FAXDC2: variants seen among roughly 807,000 people sequenced by gnomAD.
The protein encoded by FAXDC2 is fatty acid hydroxylase domain-containing protein 2.
FAXDC2 carries 41 observed loss-of-function variants against 40.9 expected under a neutral mutation model. That is an observed-to-expected ratio of 1.00 (90% CI 0.78 to 1.30). The LOEUF (loss-of-function observed/expected upper bound fraction) is 1.30, where lower values mean the gene tolerates loss of function less well. Among genes scored for constraint, FAXDC2 ranks in the 50% most tolerant of loss-of-function variants. The pLI is 0.00. For synonymous variants in FAXDC2, 157 were observed against 149.3 expected (o/e 1.05, Z -0.38); for missense variants, 390 against 408.8 (o/e 0.95, Z 0.40).
chr5:154,849,568 C>T (rs116794404), intron 1 of FAXDC2, among the ~76,000 whole-genome samples: 258 of 152,196 alleles, frequency 1.7e-3, no homozygotes, highest in African/African-American at 5.7e-3. Context: ...TTGCTTTTTG[C>T]CCTCAAAAAG....
intron 1 of FAXDC2, among the ~76,000 whole-genome samples, chr5:154,844,217 CAAAA>C (rs111475143): frequency 7.5e-6 from 1 of 132,596 alleles, no homozygotes; most frequent in South Asian, 2.4e-4. Context: ...GACTCTGTCT[CAAAA>C]AAAAAAAAGA....
intron 1 of FAXDC2, among the ~76,000 whole-genome samples, chr5:154,839,697 T>A (rs999386781): frequency 6.6e-6 from 1 of 151,808 alleles, no homozygotes; most frequent in African/African-American, 2.4e-5. Context: ...GCAATAAATA[T>A]TTTATGTTTT....
At chr5:154,828,584 G>C (rs1760102153) in intron 5 of FAXDC2, among the ~76,000 whole-genome samples, 1 of 150,560 alleles carries the variant, frequency 6.6e-6, no homozygotes. Flanking sequence ...TCTTCTGCTT[G>C]CTTTAGTTTT....
chr5:154,823,850 G>C (rs946605939), intron 5 of FAXDC2: 8 of 475,938 alleles, frequency 1.7e-5, no homozygotes, highest in African/African-American at 9.8e-5. Flanking sequence ...CCTTCTTCCT[G>C]GTTCTGCACA....
In FAXDC2 at chr5:154,820,164, C is replaced by T. The variant is rs1759844680; in HGVS notation, c.*152G>A. 2 of 628,416 alleles carry T rather than the reference C, an allele frequency of 3.2e-6. No individual in the cohort carries two copies. The highest frequency in any genetic ancestry group is 3.7e-5 in the African/African-American group (2 of 53,998). 38.9% of individuals were successfully genotyped at this position (628,416 alleles called of 1,614,324 possible). On this transcript the variant is annotated 3_prime_UTR_variant, in exon 9 of 9. Transcript: ENST00000326080. ...AGTTTGAAGAAAGCCTCATCCTTGG[C>T]CCTGCTTTTCCGGGAAGCCGACCTT...
At position 154,822,535 on chromosome 5, in the gene FAXDC2, T is replaced by C. The variant is rs1158228132; in HGVS notation, c.615A>G (p.Lys205=). The change falls in exon 7 of 9, where the codon AAA becomes AAG. Residue 205 remains lysine (K), a synonymous_variant. Coordinates refer to ENST00000326080, the MANE Select transcript of FAXDC2 (RefSeq NM_032385.5). The stretch of plus-strand genomic sequence containing the variant: ...CAATGGGAGCTGTCCACTCATGGTG[T>C]TTCTTGTGGATTTTCTTGTAGAATG... The part of the protein sequence containing the change: ...HPTFYKKIHK[K]HHEWTAPIGV... The C allele has an allele frequency of 6.2e-7, 1 of 1,614,182 alleles. No homozygotes were observed. Among genetic ancestry groups the C allele is most frequent in the Non-Finnish European group, 8.5e-7 (1 of 1,180,016 alleles).
At position 154,834,671 on chromosome 5, in the gene FAXDC2, C is replaced by T; in HGVS notation, c.198G>A (p.Arg66=). 1 of 1,613,636 alleles carries T rather than the reference C, an allele frequency of 6.2e-7. No individual in the cohort carries two copies. The highest frequency in any genetic ancestry group is 8.5e-7 in the Non-Finnish European group (1 of 1,179,910). ...SGYFWQAQWE[R]LLTTFEGKEW... ...CCTTCCCTTCAAATGTAGTCAGCAG[C>T]CTCTCCCACTGGGCTTGCCAAAAGT... Residue 66 remains arginine (R), a synonymous_variant, in exon 4 of 9, where the codon AGG becomes AGA. Transcript: ENST00000326080.
Position 154,835,842 on chromosome 5 carries a change from A to G in FAXDC2, c.49-908T>C, listed in dbSNP as rs796670207. Among the ~76,000 whole-genome samples the G allele has an allele frequency of 6.3e-5, 9 of 142,028 alleles. 1 individual carries two copies. The highest frequency in any genetic ancestry group is 2.4e-4 in the African/African-American group (9 of 37,760). 93.2% of individuals were successfully genotyped at this position (142,028 alleles called of 152,430 possible). A position where few individuals can be genotyped will look rare whatever the true frequency, so the allele number is the denominator to read the frequency against. ...GTGATCTGCCCGCCTCAGCCTCCCT[A>G]AGTGCTGGGATTACAGGAGTGAGCC... On this transcript the variant is annotated intron_variant, in intron 2 of 8. Transcript: ENST00000326080.
Position 154,821,412 on chromosome 5 carries a change from T to G in FAXDC2, c.693A>C (p.Leu231=). 6.2e-7 allele frequency: 1 copy of G among 1,611,700 alleles called. No homozygotes were observed. Among genetic ancestry groups the G allele is most frequent in the South Asian group, 1.1e-5 (1 of 90,904 alleles). ...HPIEHAVSNM[L]PVIVGPLVMG... ...TTACTAATGGGCCCACTATCACCGG[T>G]AGCATGTTGGAGACCTGCAAGAGGA... is the stretch of plus-strand genomic sequence containing the variant. The change falls in exon 8 of 9, where the codon CTA becomes CTC. Residue 231 remains leucine, a synonymous_variant. Coordinates refer to ENST00000326080, the MANE Select transcript of FAXDC2 (RefSeq NM_032385.5).
At chr5:154,827,089 G>A (rs1235070746) in intron 5 of FAXDC2, among the ~76,000 whole-genome samples, 1 of 152,134 alleles carries the variant, frequency 6.6e-6, no homozygotes, top group Non-Finnish European at 1.5e-5. Context: ...TGGATCACCT[G>A]AGGCCAGGAG....
At position 154,818,699 on chromosome 5, in the gene FAXDC2, C is replaced by T. The variant is rs1759794919; in HGVS notation, c.*1617G>A. 2 of 152,354 alleles carry T rather than the reference C, an allele frequency of 1.3e-5. No individual in the cohort carries two copies. Among genetic ancestry groups the T allele is most frequent in the South Asian group, 4.1e-4 (2 of 4,828 alleles). 9.4% of individuals were successfully genotyped at this position (152,354 alleles called of 1,614,324 possible). On this transcript the variant is annotated 3_prime_UTR_variant, in exon 9 of 9. Coordinates refer to ENST00000326080, the MANE Select transcript of FAXDC2 (RefSeq NM_032385.5). The stretch of plus-strand genomic sequence containing the variant: ...GCCTTTTGTCCTTCTAGGCCCCTTA[C>T]AGTACCTCAAAATCTAAAGGCCTTA...
At chr5:154,841,818 C>T (rs1340840982) in intron 1 of FAXDC2, among the ~76,000 whole-genome samples, 4 of 152,008 alleles carry the variant, frequency 2.6e-5, no homozygotes, top group African/African-American at 7.3e-5. Context: ...TCACTGCAAC[C>T]TCCGCCTCCC....
chr5:154,833,184 G>C (rs954451930), intron 4 of FAXDC2, among the ~76,000 whole-genome samples: 6 of 151,430 alleles, frequency 4.0e-5, no homozygotes, highest in African/African-American at 1.5e-4. Context: ...TTACAGGCAC[G>C]CACCACCACG....
chr5:154,844,024 GC>G (rs1344590115), intron 1 of FAXDC2, among the ~76,000 whole-genome samples: 3 of 152,128 alleles, frequency 2.0e-5, no homozygotes, highest in Non-Finnish European at 4.4e-5. Flanking sequence ...TTCAAGACCA[GC>G]CTGGCCAACA....
At chr5:154,837,279 G>GT (rs545273703) in intron 2 of FAXDC2, among the ~76,000 whole-genome samples, 1 of 150,448 alleles carries the variant, frequency 6.6e-6, no homozygotes. Context: ...TCTTTTTTTT[G>GT]TTTTTTTGTT....
intron 2 of FAXDC2, among the ~76,000 whole-genome samples, chr5:154,837,788 C>T (rs1760387609): frequency 6.6e-6 from 1 of 152,166 alleles, no homozygotes; most frequent in Non-Finnish European, 1.5e-5. Flanking sequence ...CAGAAAGCCT[C>T]TGTTGTCCCC....
intron 5 of FAXDC2, among the ~76,000 whole-genome samples, chr5:154,827,507 G>A (rs1263443971): frequency 6.7e-6 from 1 of 149,344 alleles, no homozygotes; most frequent in Admixed American, 6.7e-5. Context: ...CACCCAGGCT[G>A]GAGTGCACTC....
chr5:154,825,208 C>A (rs578115622), intron 5 of FAXDC2, among the ~76,000 whole-genome samples: 39 of 150,412 alleles, frequency 2.6e-4, no homozygotes, highest in Non-Finnish European at 4.1e-4. Flanking sequence ...ACGAAAAATA[C>A]AAAAACTTAG....
rs1554093805 is a variant in FAXDC2 at position 154,831,455 on chromosome 5, G to GTT, written c.245-535_245-534dup. 6.0e-3 allele frequency among the ~76,000 whole-genome samples: 782 copies of GTT among 131,360 alleles called. 6 individuals are homozygous for GTT. The highest frequency in any genetic ancestry group is 0.02 in the African/African-American group (734 of 36,732). 86.2% of individuals were successfully genotyped at this position (131,360 alleles called of 152,430 possible). Reference sequence around the variant, plus strand: ...GTTGTTTTTTTTTTGTTGTTTGTTTGTTTGTTTTTTTGAGACAAAGCCTCT... The same window carrying GTT: ...GTTGTTTTTTTTTTGTTGTTTGTTTGTTTTTGTTTTTTTGAGACAAAGCCTCT... On this transcript the variant is annotated intron_variant, in intron 4 of 8. Coordinates refer to ENST00000326080, the MANE Select transcript of FAXDC2 (RefSeq NM_032385.5).
Sources: gnomAD v4.1 joint callset for allele counts (sites outside exome capture counted in the v4.1 genomes callset) on GRCh38, gnomAD v4.1.1 for gene constraint, MANE v1.5 for transcripts, NCBI Gene and HGNC (gene_info 2026-07-23, HGNC 2026-07-21) for gene names.